STRN: variants seen among roughly 807,000 people sequenced by gnomAD.
The protein encoded by STRN is striatin, also known as protein phosphatase 2 regulatory subunit B'''alpha.
Under a neutral mutation model 96.3 loss-of-function variants are expected in STRN, and 53 were observed. The ratio of observed to expected loss-of-function variants is 0.55; its 90% CI spans 0.44 to 0.69. The LOEUF is 0.69. Among genes scored for constraint, STRN ranks in the 30% least tolerant of loss-of-function variants. The pLI is 0.00. For missense variants in STRN, 987 were observed against 963.9 expected, an observed-to-expected ratio of 1.02 and a Z score of -0.32; for synonymous variants, 428 against 355.9, an observed-to-expected ratio of 1.20 and a Z score of -2.28.
rs777245115 is a variant in STRN, at chr2:36,849,290, T to C, written c.*166A>G. ...CAGCAACCTGAACAAACCTTAGTTT[T>C]AGAAAACAGTATATGAATTGCAAAA... On this transcript the variant is annotated 3_prime_UTR_variant, in exon 18 of 18. Coordinates refer to ENST00000263918, the MANE Select transcript of STRN (RefSeq NM_003162.4). 3.8e-5 allele frequency: 30 copies of C among 798,018 alleles called. No individual in the cohort carries two copies. Among genetic ancestry groups the C allele is most frequent in the Non-Finnish European group, 5.3e-5 (28 of 525,674 alleles). 49.4% of individuals were successfully genotyped at this position (798,018 alleles called of 1,614,324 possible). A position where few individuals can be genotyped will look rare whatever the true frequency, so the allele number is the denominator to read the frequency against.
At chr2:36,904,834 A>ATGAC (rs1351928730) in intron 4 of STRN, among the ~76,000 whole-genome samples, 2 of 148,770 alleles carry the variant, frequency 1.3e-5, no homozygotes, top group East Asian at 4.7e-4. Flanking sequence ...TCTCAAATGA[A>ATGAC]TGACTGAATG....
intron 15 of STRN, 45 bp downstream of exon 15, chr2:36,855,167 A>C: frequency 6.3e-7 from 1 of 1,592,582 alleles, no homozygotes; most frequent in Non-Finnish European, 8.6e-7. Flanking sequence ...AATTTTGATT[A>C]AGTTAAAAAA....
intron 1 of STRN, among the ~76,000 whole-genome samples, chr2:36,955,304 G>A (rs866707539): frequency 2.0e-5 from 3 of 152,242 alleles, no homozygotes; most frequent in Middle Eastern, 3.4e-3. Flanking sequence ...TGATGAAACG[G>A]GGGATGAGAT....
chr2:36,940,626 G>C (rs977930191), intron 1 of STRN, among the ~76,000 whole-genome samples: 12 of 151,882 alleles, frequency 7.9e-5, no homozygotes, highest in African/African-American at 2.9e-4. Flanking sequence ...AGGAGATCAA[G>C]ACCATCCTGG....
chr2:36,956,720 C>T (rs757651526), intron 1 of STRN, among the ~76,000 whole-genome samples: 16 of 152,100 alleles, frequency 1.1e-4, no homozygotes, highest in Non-Finnish European at 1.9e-4. Context: ...GTAGGTCTCC[C>T]TTTACCATTC....
chr2:36,859,647 G>A (rs945263903), intron 13 of STRN, among the ~76,000 whole-genome samples: 23 of 152,128 alleles, frequency 1.5e-4, no homozygotes, highest in African/African-American at 4.8e-4. Flanking sequence ...AGGAATGTTT[G>A]TACACTGCAA....
chr2:36,904,053 A>C (rs758533821), intron 4 of STRN, among the ~76,000 whole-genome samples: 13 of 152,172 alleles, frequency 8.5e-5, no homozygotes, highest in Non-Finnish European at 1.8e-4. Context: ...GGGTCCTTTG[A>C]AGTTTTTGAA....
At chr2:36,957,753 T>TG (rs1664928865) in intron 1 of STRN, among the ~76,000 whole-genome samples, 1 of 95,876 alleles carries the variant, frequency 1.0e-5, no homozygotes. Context: ...TCTTTTTTTT[T>TG]TTTTTTTTTT....
chr2:36,925,494 T>C (rs111392775), intron 1 of STRN, among the ~76,000 whole-genome samples: 141 of 152,090 alleles, frequency 9.3e-4, no homozygotes, highest in Non-Finnish European at 1.8e-3. Flanking sequence ...ACAACTAATA[T>C]TGCCGGATGC....
chr2:36,930,132 A>G (rs1421479926), intron 1 of STRN, among the ~76,000 whole-genome samples: 1 of 152,072 alleles, frequency 6.6e-6, no homozygotes, highest in Non-Finnish European at 1.5e-5. Flanking sequence ...CTCTCTCTTA[A>G]AGACAGTGTC....
Position 36,936,244 on chromosome 2 carries a change from T to C in STRN, c.235-11036A>G, listed in dbSNP as rs116461199. Among the ~76,000 whole-genome samples, 420 of 152,286 alleles carry C rather than the reference T, an allele frequency of 2.8e-3. 1 individual carries two copies. Among genetic ancestry groups the C allele is most frequent in the African/African-American group, 9.7e-3 (402 of 41,580 alleles). On this transcript the variant is annotated intron_variant, in intron 1 of 17. Transcript: ENST00000263918. ...CTGAGACACCATTCCTGGACAGTAA[T>C]AGTGTGCTGTCCTTAGTATATGAAG...
intron 10 of STRN, among the ~76,000 whole-genome samples, chr2:36,871,442 T>C (rs911602582): frequency 2.0e-5 from 3 of 152,240 alleles, no homozygotes; most frequent in Admixed American, 2.0e-4. Context: ...TAACATGCTG[T>C]ATAGATTTGT....
In STRN at chr2:36,838,413, G is replaced by C. The variant is rs143326562; in HGVS notation, c.*11043C>G. 3.9e-4 allele frequency among the ~76,000 whole-genome samples: 59 copies of C among 152,264 alleles called. 1 individual carries two copies. In the East Asian group the frequency reaches 0.01, roughly 26 times the overall value. On this transcript the variant is annotated 3_prime_UTR_variant, in exon 18 of 18. Coordinates refer to ENST00000263918, the MANE Select transcript of STRN (RefSeq NM_003162.4). ...GTTCTAACCTACAGAACTTTGAATA[G>C]ATAATTCAGTTCTGAGTGCAATCCA...
At chr2:36,911,724 T>C (rs1186906105) in intron 3 of STRN, among the ~76,000 whole-genome samples, 1 of 152,190 alleles carries the variant, frequency 6.6e-6, no homozygotes, top group Non-Finnish European at 1.5e-5. Context: ...ACTTCAATCA[T>C]TCCTTTGTCA....
chr2:36,875,708 G>A (rs997074685), intron 10 of STRN, among the ~76,000 whole-genome samples: 3 of 149,436 alleles, frequency 2.0e-5, no homozygotes, highest in African/African-American at 7.4e-5. Context: ...CCGCGCTGGA[G>A]TGCGGTGGCG....
At chr2:36,883,905 G>C in intron 9 of STRN, 27 bp downstream of exon 9, 1 of 1,321,564 alleles carries the variant, frequency 7.6e-7, no homozygotes, top group African/African-American at 1.5e-5. Context: ...AGTGCATTTT[G>C]TGCTCCAGAG....
At chr2:36,876,902 C>A (rs1668928525) in intron 10 of STRN, among the ~76,000 whole-genome samples, 1 of 151,986 alleles carries the variant, frequency 6.6e-6, no homozygotes, top group Admixed American at 6.6e-5. Context: ...CGCCTGCCAC[C>A]ACGCCTGGCT....
chr2:36,861,081 T>C (rs1442447365), intron 13 of STRN, 51 bp downstream of exon 13: 3 of 1,597,324 alleles, frequency 1.9e-6, no homozygotes, highest in East Asian at 2.2e-5. Context: ...TATGAAAAAA[T>C]GTGTTTAAAA....
At position 36,958,324 on chromosome 2, in the gene STRN, C is replaced by A. The variant is rs983231132; in HGVS notation, c.234+7906G>T. ...GAACCAGCAGAGACAACAGACCACA[C>A]AAAGGCACCTCTAAGACCTCAGATA... On this transcript the variant is annotated intron_variant, in intron 1 of 17. Coordinates refer to ENST00000263918, the MANE Select transcript of STRN (RefSeq NM_003162.4). 2.6e-5 allele frequency among the ~76,000 whole-genome samples: 4 copies of A among 152,262 alleles called. No individual in the cohort carries two copies. The East Asian group carries it at 7.7e-4, about 29-fold the overall frequency.
Sources: allele counts gnomAD v4.1 joint callset (sites outside exome capture counted in the v4.1 genomes callset), GRCh38; gene constraint gnomAD v4.1.1; transcripts MANE v1.5; gene names NCBI Gene and HGNC (gene_info 2026-07-23, HGNC 2026-07-21).